Variants in MLLT1 observed in about 807,000 individuals in gnomAD.
MLLT1 encodes MLLT1 super elongation complex subunit.
In MLLT1, 11 loss-of-function variants were observed where a neutral mutation model predicts 55.1. The observed-to-expected ratio is 0.20, with a 90% CI of 0.13 to 0.33. The LOEUF is 0.33. Ranked by LOEUF, MLLT1 falls within the 10% of genes least tolerant of loss-of-function variation. The pLI, the probability that MLLT1 is intolerant of heterozygous loss-of-function variation, is 1.00. For synonymous variants in MLLT1, 323 were observed against 320.1 expected, an observed-to-expected ratio of 1.01 and a Z score of -0.10; for missense variants, 536 against 760.6, an observed-to-expected ratio of 0.70 and a Z score of 3.47.
At chr19:6,218,822 C>T (rs2090869976) in intron 6 of MLLT1, among the ~76,000 whole-genome samples, 1 of 152,202 alleles carries the variant, frequency 6.6e-6, no homozygotes, top group African/African-American at 2.4e-5. Context: ...TTGTTCTGGG[C>T]CCACATTTCT....
intron 2 of MLLT1, among the ~76,000 whole-genome samples, chr19:6,266,823 A>G (rs955980783): frequency 2.0e-5 from 3 of 152,174 alleles, no homozygotes; most frequent in Non-Finnish European, 4.4e-5. Flanking sequence ...AAGAAAATAA[A>G]CCAAAACACA....
Position 6,256,385 on chromosome 19 carries a change from A to G in MLLT1, c.276+5843T>C, listed in dbSNP as rs780558714. Among the ~76,000 whole-genome samples, 8 of 151,450 alleles carry G rather than the reference A, an allele frequency of 5.3e-5. No homozygotes were observed. Among genetic ancestry groups the G allele is most frequent in the Non-Finnish European group, 7.4e-5 (5 of 67,842 alleles). On this transcript the variant is annotated intron_variant, in intron 3 of 11. Transcript: ENST00000252674. The surrounding 1 kb of genome is among the most constrained non-coding windows in gnomAD (Gnocchi z 4.1). ...GAGGTGGGAGGACTGCCTGAGCCCA[A>G]GAGGTCAAAGCTACAGTGAGCCATG... is the stretch of plus-strand genomic sequence containing the variant.
chr19:6,235,723 C>T lies in MLLT1; in HGVS notation c.277-5010G>A, dbSNP rs1033996558. ...ACCGTCACCCGCTTCCACCACAGCC[C>T]CCTTTCAGGCACGGTATCTCCATGG... On this transcript the variant is annotated intron_variant, in intron 3 of 11. Coordinates refer to ENST00000252674, the MANE Select transcript of MLLT1 (RefSeq NM_005934.4). This position sits in a 1 kb window ranked among gnomAD's most constrained non-coding sequence, Gnocchi z 5.5. Among the ~76,000 whole-genome samples the T allele has an allele frequency of 5.3e-5, 8 of 152,224 alleles. No homozygotes were observed. The highest frequency in any genetic ancestry group is 1.7e-4 in the African/African-American group (7 of 41,468).
At chr19:6,266,128 A>T (rs1356904398) in intron 2 of MLLT1, among the ~76,000 whole-genome samples, 1 of 151,402 alleles carries the variant, frequency 6.6e-6, no homozygotes, top group African/African-American at 2.4e-5. Flanking sequence ...AAAATAAAAA[A>T]GTTAGCTGGG....
chr19:6,226,202 A>G lies in MLLT1; in HGVS notation c.546+775T>C, dbSNP rs2090955310. ...TGAGGAGAAAGGAGAGGACCGGTGG[A>G]GAGATGTGTGGGTGGCAGGCACCGG... On this transcript the variant is annotated intron_variant, in intron 5 of 11. Transcript: ENST00000252674. The surrounding 1 kb of genome is among the most constrained non-coding windows in gnomAD (Gnocchi z 6.3). Among the ~76,000 whole-genome samples, 1 of 152,124 alleles carries G rather than the reference A, an allele frequency of 6.6e-6. No homozygotes were observed. The highest frequency in any genetic ancestry group is 2.4e-5 in the African/African-American group (1 of 41,434).
intron 3 of MLLT1, chr19:6,259,820 A>C (rs1555709787): frequency 6.6e-6 from 1 of 150,612 alleles, no homozygotes; most frequent in Non-Finnish European, 1.5e-5. Flanking sequence ...AAAAAAAAAA[A>C]CAGAAAAACT....
At chr19:6,233,174 C>T (rs1003162847) in intron 3 of MLLT1, among the ~76,000 whole-genome samples, 2 of 152,212 alleles carry the variant, frequency 1.3e-5, no homozygotes, top group Non-Finnish European at 2.9e-5. Flanking sequence ...CAGTGCCGGA[C>T]GGCTCACACG....
chr19:6,278,933 G>A (rs2091442428), intron 1 of MLLT1, among the ~76,000 whole-genome samples: 1 of 152,100 alleles, frequency 6.6e-6, no homozygotes, highest in African/African-American at 2.4e-5. Context: ...CAAAGAGAGG[G>A]GACACTCCAA....
intron 3 of MLLT1, among the ~76,000 whole-genome samples, chr19:6,257,135 T>G (rs80326600): frequency 0.016 from 2,407 of 152,316 alleles, 61 homozygotes; most frequent in African/African-American, 0.056. Context: ...GAGTCACAGA[T>G]TTGACACCAA....
intron 3 of MLLT1, chr19:6,259,127 C>T (rs933791119): frequency 4.6e-5 from 7 of 152,222 alleles, no homozygotes; most frequent in Non-Finnish European, 7.3e-5. Context: ...CTGCGGTCTC[C>T]GCAGCTCTCT....
intron 1 of MLLT1, among the ~76,000 whole-genome samples, chr19:6,279,232 G>A (rs2091444134): frequency 6.6e-6 from 1 of 152,104 alleles, no homozygotes; most frequent in Non-Finnish European, 1.5e-5. Context: ...TGGGGACTCT[G>A]GGAGTTTGAG....
At position 6,212,970 on chromosome 19, in the gene MLLT1, G is replaced by C; in HGVS notation, c.*72C>G. 1.9e-6 allele frequency: 3 copies of C among 1,576,116 alleles called. No homozygotes were observed. The highest frequency in any genetic ancestry group is 2.6e-6 in the Non-Finnish European group (3 of 1,157,032). The stretch of plus-strand genomic sequence containing the variant: ...AGTGCTGCGGGCAGGCGAGACGGGA[G>C]AGGAGGGCAGGCGAGGCCTGGCTGC... On this transcript the variant is annotated 3_prime_UTR_variant, in exon 12 of 12. Coordinates refer to ENST00000252674, the MANE Select transcript of MLLT1 (RefSeq NM_005934.4).
At chr19:6,221,078 T>C (rs2090892676) in intron 6 of MLLT1, among the ~76,000 whole-genome samples, 1 of 152,158 alleles carries the variant, frequency 6.6e-6, no homozygotes. Context: ...CTGGGGGCAA[T>C]GAGCGCTGCC....
Position 6,270,550 on chromosome 19 carries a change from G to A in MLLT1, c.193+29C>T. On this transcript the variant is annotated intron_variant, in intron 2 of 11. Transcript: ENST00000252674. The surrounding 1 kb of genome is among the most constrained non-coding windows in gnomAD (Gnocchi z 7.1). ...GAGTGAAGACAGATGGGTCCGTGCT[G>A]TGGGCACTCAGGGCTTGAGGCCACT... is the stretch of plus-strand genomic sequence containing the variant. 4 of 1,594,968 alleles carry A rather than the reference G, an allele frequency of 2.5e-6. No individual in the cohort carries two copies. The highest frequency in any genetic ancestry group is 3.4e-6 in the Non-Finnish European group (4 of 1,170,746).
In MLLT1 at chr19:6,231,885, G is replaced by GA. The variant is rs1329011062; in HGVS notation, c.277-1173dup. 1.3e-5 allele frequency among the ~76,000 whole-genome samples: 2 copies of GA among 151,568 alleles called. No individual in the cohort carries two copies. Among genetic ancestry groups the GA allele is most frequent in the Non-Finnish European group, 2.9e-5 (2 of 67,902 alleles). On this transcript the variant is annotated intron_variant, in intron 3 of 11. Transcript: ENST00000252674. This position sits in a 1 kb window ranked among gnomAD's most constrained non-coding sequence, Gnocchi z 5.1. ...AGCCACAGGTCCCAGGGGAGTGTGG[G>GA]AAAACCGCACTATGACAAGCACGAA...
chr19:6,251,461 C>G (rs2091213579), intron 3 of MLLT1, among the ~76,000 whole-genome samples: 2 of 152,190 alleles, frequency 1.3e-5, no homozygotes, highest in Admixed American at 1.3e-4. Context: ...AAGCAGAGCC[C>G]TGGTCCTGAG....
chr19:6,217,451 T>C (rs114854496), intron 7 of MLLT1, among the ~76,000 whole-genome samples: 1,696 of 152,168 alleles, frequency 0.011, 30 homozygotes, highest in African/African-American at 0.039. Context: ...GGCAGGCTGG[T>C]GCAGCCAATG....
chr19:6,242,656 C>T (rs989581081), intron 3 of MLLT1, among the ~76,000 whole-genome samples: 6 of 152,208 alleles, frequency 3.9e-5, no homozygotes, highest in African/African-American at 1.4e-4. Context: ...CAATTGAAGT[C>T]ACGGGAGACT....
intron 6 of MLLT1, among the ~76,000 whole-genome samples, chr19:6,221,762 G>A (rs1456412838): frequency 6.6e-6 from 1 of 152,234 alleles, no homozygotes; most frequent in Non-Finnish European, 1.5e-5. Context: ...GAGCAACCAT[G>A]AGACACGCTT....
Sources: gnomAD v4.1 joint callset for allele counts (sites outside exome capture counted in the v4.1 genomes callset) on GRCh38, gnomAD v4.1.1 for gene constraint, Gnocchi (gnomAD v3.1) non-coding constraint, MANE v1.5 for transcripts, NCBI Gene and HGNC (gene_info 2026-07-23, HGNC 2026-07-21) for gene names.